The following IFT43 variants were observed in gnomAD, a reference collection of about 807,000 sequenced individuals.
IFT43 encodes the protein intraflagellar transport 43, also known as intraflagellar transport protein 43 homolog.
A neutral mutation model predicts 32.3 loss-of-function variants in IFT43; 33 were observed. That is an observed-to-expected ratio of 1.02 (90% CI 0.77 to 1.37). IFT43 has a LOEUF of 1.37. Among genes scored for constraint, IFT43 ranks in the 40% most tolerant of loss-of-function variants. The pLI is 0.00. For missense variants in IFT43, 274 were observed against 265.9 expected (o/e 1.03, Z -0.21); for synonymous variants, 93 against 98.2 (o/e 0.95, Z 0.31).
chr14:76,051,077 G>A (rs988601328), intron 3 of IFT43, among the ~76,000 whole-genome samples: 2 of 151,566 alleles, frequency 1.3e-5, no homozygotes, highest in Non-Finnish European at 2.9e-5. Flanking sequence ...TTTTTTATCA[G>A]TCTACCAGAC....
rs374422302 is a variant in IFT43, at chr14:75,992,013, G to A, written c.147+3036G>A. ...TTGATATATTTATTTTTGTCCTCTT[G>A]CTGACTGTATTCTAGGATGAAGATA... On this transcript the variant is annotated intron_variant, in intron 2 of 8. Transcript: ENST00000314067. 5.9e-5 allele frequency among the ~76,000 whole-genome samples: 9 copies of A among 152,264 alleles called. No homozygotes were observed. In the South Asian group the frequency reaches 1.9e-3, roughly 32 times the overall value.
chr14:76,076,568 C>T (rs2140090002), intron 5 of IFT43: 1 of 1,613,580 alleles, frequency 6.2e-7, no homozygotes, highest in East Asian at 2.2e-5. Flanking sequence ...CAAGCTGAGT[C>T]CAATCTAAGA....
chr14:75,996,761 C>A (rs1296321778), intron 2 of IFT43, among the ~76,000 whole-genome samples: 2 of 152,348 alleles, frequency 1.3e-5, no homozygotes, highest in South Asian at 2.1e-4. Flanking sequence ...TGACTTATAT[C>A]ATTTTGTTGT....
At chr14:75,989,092 C>T in intron 2 of IFT43, 115 bp downstream of exon 2, 1 of 1,313,248 alleles carries the variant, frequency 7.6e-7, no homozygotes, top group Non-Finnish European at 1.1e-6. Context: ...ACCCTTTCTC[C>T]TGTCTTGATT....
chr14:76,059,266 A>G, intron 4 of IFT43, 61 bp from the exon 5 acceptor site: 1 of 1,613,226 alleles, frequency 6.2e-7, no homozygotes. Flanking sequence ...AACATTTGGG[A>G]TGTTCCTTTC....
At chr14:76,000,733 G>C (rs530893571) in intron 2 of IFT43, among the ~76,000 whole-genome samples, 100 of 152,314 alleles carry the variant, frequency 6.6e-4, no homozygotes, top group Non-Finnish European at 1.3e-3. Flanking sequence ...AGGCAGATAG[G>C]ATGTGGTAAC....
intron 3 of IFT43, among the ~76,000 whole-genome samples, chr14:76,044,311 A>T (rs777480868): frequency 2.6e-5 from 4 of 152,140 alleles, no homozygotes; most frequent in Non-Finnish European, 4.4e-5. Context: ...AAGTGTCGGG[A>T]TTACAGGCGT....
intron 2 of IFT43, among the ~76,000 whole-genome samples, chr14:75,990,781 G>A (rs746691966): frequency 5.3e-5 from 8 of 152,132 alleles, no homozygotes; most frequent in Non-Finnish European, 1.2e-4. Flanking sequence ...GAGAAAACGC[G>A]GAAGCAAATG....
Position 76,058,826 on chromosome 14 carries a change from G to C in IFT43, c.248+152G>C, listed in dbSNP as rs1358840410. 1.4e-5 allele frequency: 22 copies of C among 1,554,236 alleles called. No homozygotes were observed. In the Admixed American group the frequency reaches 4.2e-4, roughly 30 times the overall value. On this transcript the variant is annotated intron_variant, in intron 4 of 8. Coordinates refer to ENST00000314067, the MANE Select transcript of IFT43 (RefSeq NM_001102564.3). ...TGATGCCTGCTGAATCCAAGGTTTGGTTAATCCCGCTTCCTCAACTGAAGG... is the reference window on the plus strand; with the variant it reads ...TGATGCCTGCTGAATCCAAGGTTTGCTTAATCCCGCTTCCTCAACTGAAGG...
At chr14:76,003,398 C>T (rs1013711196) in intron 2 of IFT43, among the ~76,000 whole-genome samples, 20 of 152,096 alleles carry the variant, frequency 1.3e-4, no homozygotes, top group African/African-American at 4.6e-4. Context: ...GAGGCCGAGG[C>T]GGGTGGAGCA....
At chr14:76,079,166 G>T (rs1277563553) in intron 5 of IFT43, among the ~76,000 whole-genome samples, 1 of 152,176 alleles carries the variant, frequency 6.6e-6, no homozygotes, top group African/African-American at 2.4e-5. Context: ...GCATGGCAGG[G>T]CTCAGGCATC....
intron 5 of IFT43, among the ~76,000 whole-genome samples, chr14:76,078,715 C>T (rs1386050220): frequency 3.3e-5 from 5 of 152,184 alleles, no homozygotes; most frequent in East Asian, 3.9e-4. Context: ...GAGAGCAGTG[C>T]GGCCGTGTGA....
intron 2 of IFT43, among the ~76,000 whole-genome samples, chr14:76,007,984 G>A (rs1377952319): frequency 6.6e-6 from 1 of 152,186 alleles, no homozygotes; most frequent in Non-Finnish European, 1.5e-5. Flanking sequence ...ACTACTGGCA[G>A]CCCTATCCCA....
chr14:76,065,227 C>T (rs1241429999), intron 5 of IFT43, among the ~76,000 whole-genome samples: 2 of 152,146 alleles, frequency 1.3e-5, no homozygotes, highest in African/African-American at 2.4e-5. Flanking sequence ...CTGTCATGCC[C>T]CAGTGTCCAC....
chr14:76,030,491 C>G (rs2036490234), intron 3 of IFT43, among the ~76,000 whole-genome samples: 1 of 152,164 alleles, frequency 6.6e-6, no homozygotes, highest in African/African-American at 2.4e-5. Flanking sequence ...ACACACTGCC[C>G]ATTGCTATTG....
chr14:76,004,101 T>C (rs2139905636), intron 2 of IFT43, among the ~76,000 whole-genome samples: 1 of 152,316 alleles, frequency 6.6e-6, no homozygotes, highest in East Asian at 1.9e-4. Context: ...CTTTAAACAG[T>C]TGTCACTGAG....
At chr14:76,058,832 C>A (rs2037075843) in intron 4 of IFT43, 158 bp downstream of exon 4, 1 of 1,546,164 alleles carries the variant, frequency 6.5e-7, no homozygotes. Context: ...TTTGGTTAAT[C>A]CCGCTTCCTC....
chr14:76,029,851 T>TTTTTTTTTTATTTTATTTTA lies in IFT43; in HGVS notation c.215+7461_215+7462insTTTTTATTTTATTTTATTTT, dbSNP rs2036472787. 5.1e-5 allele frequency among the ~76,000 whole-genome samples: 6 copies of TTTTTTTTTTATTTTATTTTA among 117,474 alleles called. No individual in the cohort carries two copies. The South Asian group carries it at 1.5e-3, about 29-fold the overall frequency. The allele number at this position is 117,474 out of a possible 152,430, so 77.1% of individuals were successfully genotyped here. On this transcript the variant is annotated intron_variant, in intron 3 of 8. Transcript: ENST00000314067. Reference sequence around the variant, plus strand: ...TATTTTTGTACTTTTTTTATTTTTATTTTTATTTTATTTTATTTTATTTTA... The same window carrying TTTTTTTTTTATTTTATTTTA: ...TATTTTTGTACTTTTTTTATTTTTATTTTTTTTTTATTTTATTTTATTTTATTTTATTTTATTTTATTTTA...
At chr14:76,020,102 G>C in intron 2 of IFT43, among the ~76,000 whole-genome samples, 1 of 152,078 alleles carries the variant, frequency 6.6e-6, no homozygotes, top group Non-Finnish European at 1.5e-5. Flanking sequence ...AGCCTCCTGA[G>C]TAGCTAGGAT....
Sources: allele counts gnomAD v4.1 joint callset (sites outside exome capture counted in the v4.1 genomes callset), GRCh38; gene constraint gnomAD v4.1.1; transcripts MANE v1.5; gene names NCBI Gene and HGNC (gene_info 2026-07-23, HGNC 2026-07-21).